Variants in CAMK2D observed in about 807,000 individuals in gnomAD.
CAMK2D encodes the protein calcium/calmodulin-dependent protein kinase type II subunit delta.
CAMK2D carries 37 observed loss-of-function variants against 84.0 expected under a neutral mutation model. The ratio of observed to expected loss-of-function variants is 0.44; its 90% CI spans 0.34 to 0.58. CAMK2D has a LOEUF of 0.58. Ranked by LOEUF, CAMK2D falls within the 20% of genes least tolerant of loss-of-function variation. The pLI is 0.02. For synonymous variants in CAMK2D, 202 were observed against 212.5 expected, an observed-to-expected ratio of 0.95 and a Z score of 0.43; for missense variants, 448 against 652.5, an observed-to-expected ratio of 0.69 and a Z score of 3.41.
At chr4:113,454,595 C>G in intron 20 of CAMK2D, 80 bp from the exon 21 acceptor site, 1 of 759,586 alleles carries the variant, frequency 1.3e-6, no homozygotes, top group Non-Finnish European at 2.5e-6. Flanking sequence ...ATAGATTTGA[C>G]TAGGCTACAG....
At chr4:113,640,842 A>G (rs575095094) in intron 3 of CAMK2D, among the ~76,000 whole-genome samples, 39 of 152,362 alleles carry the variant, frequency 2.6e-4, no homozygotes, top group Admixed American at 8.5e-4. Context: ...TTTATAAGGT[A>G]GAAGGATAAT....
intron 16 of CAMK2D, among the ~76,000 whole-genome samples, chr4:113,476,753 T>C (rs750792563): frequency 5.9e-5 from 9 of 152,178 alleles, no homozygotes; most frequent in South Asian, 2.1e-4. Flanking sequence ...TTACCCCTAA[T>C]AGATAACATT....
At chr4:113,603,100 G>A (rs1351024610) in intron 4 of CAMK2D, among the ~76,000 whole-genome samples, 1 of 152,080 alleles carries the variant, frequency 6.6e-6, no homozygotes, top group Non-Finnish European at 1.5e-5. Context: ...CTCCAGAGCC[G>A]CTGAGGTGTG....
At chr4:113,733,502 T>TGTGAGTTAA (rs1336709384) in intron 2 of CAMK2D, among the ~76,000 whole-genome samples, 2 of 152,206 alleles carry the variant, frequency 1.3e-5, no homozygotes, top group Non-Finnish European at 1.5e-5. Context: ...CTTTTCAGCC[T>TGTGAGTTAA]GTGAGTTAAG....
intron 2 of CAMK2D, among the ~76,000 whole-genome samples, chr4:113,753,143 A>C (rs900262637): frequency 6.6e-6 from 1 of 152,102 alleles, no homozygotes; most frequent in Non-Finnish European, 1.5e-5. Context: ...CAAGAGCCTC[A>C]GTATTCTTTT....
chr4:113,552,629 T>G (rs2098637022), intron 4 of CAMK2D, among the ~76,000 whole-genome samples: 1 of 152,246 alleles, frequency 6.6e-6, no homozygotes, highest in African/African-American at 2.4e-5. Context: ...TCATTTTACA[T>G]GAAATTATGG....
intron 6 of CAMK2D, among the ~76,000 whole-genome samples, chr4:113,545,667 T>C (rs1169481976): frequency 1.3e-5 from 2 of 152,182 alleles, no homozygotes. Flanking sequence ...GTTTATGAAA[T>C]GGCCTACTGA....
chr4:113,744,770 T>G (rs950152906), intron 2 of CAMK2D, among the ~76,000 whole-genome samples: 1 of 152,214 alleles, frequency 6.6e-6, no homozygotes, highest in African/African-American at 2.4e-5. Flanking sequence ...TCTTGAATCT[T>G]GGCAATCTGA....
At chr4:113,715,099 AC>A (rs1359336179) in intron 2 of CAMK2D, among the ~76,000 whole-genome samples, 1 of 152,072 alleles carries the variant, frequency 6.6e-6, no homozygotes, top group Non-Finnish European at 1.5e-5. Flanking sequence ...CAATTACTTT[AC>A]ATTCTTTTAT....
At chr4:113,488,135 C>T (rs918808443) in intron 16 of CAMK2D, among the ~76,000 whole-genome samples, 1 of 151,840 alleles carries the variant, frequency 6.6e-6, no homozygotes, top group African/African-American at 2.4e-5. Context: ...AAAATTTACA[C>T]AAACCTTAGA....
chr4:113,697,779 C>A lies in CAMK2D; in HGVS notation c.161-36007G>T, dbSNP rs558778667. 5.3e-3 allele frequency among the ~76,000 whole-genome samples: 801 copies of A among 152,050 alleles called. 8 individuals are homozygous for A. The highest frequency in any genetic ancestry group is 0.018 in the African/African-American group (759 of 41,516). Reference sequence around the variant, plus strand: ...GAAAATGACTCCCTCAAATAGAGTCCTTGGAATTAATGAAATAGCCCATTT... The same window carrying A: ...GAAAATGACTCCCTCAAATAGAGTCATTGGAATTAATGAAATAGCCCATTT... On this transcript the variant is annotated intron_variant, in intron 2 of 20. Transcript: ENST00000511664.
In CAMK2D at chr4:113,625,591, C is replaced by G. The variant is rs190884986; in HGVS notation, c.221-16385G>C. Among the ~76,000 whole-genome samples the G allele has an allele frequency of 5.9e-5, 9 of 152,174 alleles. No individual in the cohort carries two copies. The East Asian group carries it at 1.5e-3, about 26-fold the overall frequency. On this transcript the variant is annotated intron_variant, in intron 3 of 20. Transcript: ENST00000511664. ...ATCCTATAGCAAGACTTTACTTGAC[C>G]AGTTTGAGAAACAGTGTGTCTGTAG...
At chr4:113,545,741 GACA>G (rs1258446077) in intron 6 of CAMK2D, among the ~76,000 whole-genome samples, 2 of 152,086 alleles carry the variant, frequency 1.3e-5, no homozygotes, top group Admixed American at 6.6e-5. Flanking sequence ...CACAAACTAA[GACA>G]ACAACTAAAA....
chr4:113,567,168 C>CTTTTTTTT (rs1317760050), intron 4 of CAMK2D, among the ~76,000 whole-genome samples: 1 of 129,388 alleles, frequency 7.7e-6, no homozygotes, highest in Non-Finnish European at 1.6e-5. Context: ...TTTTCTTTTC[C>CTTTTTTTT]TTTTTTTTTT....
intron 2 of CAMK2D, among the ~76,000 whole-genome samples, chr4:113,744,975 A>G (rs10488962): frequency 0.02 from 2,996 of 152,276 alleles, 127 homozygotes; most frequent in East Asian, 0.18. Context: ...AACTAGTTAC[A>G]CGAAAACTAA....
At chr4:113,672,046 T>C (rs1043823165) in intron 2 of CAMK2D, among the ~76,000 whole-genome samples, 3 of 152,086 alleles carry the variant, frequency 2.0e-5, no homozygotes, top group African/African-American at 7.2e-5. Context: ...GTTATGCTTA[T>C]GAAAAAAAGT....
chr4:113,600,617 G>T (rs570775854), intron 4 of CAMK2D, among the ~76,000 whole-genome samples: 2 of 152,144 alleles, frequency 1.3e-5, no homozygotes, highest in East Asian at 1.9e-4. Context: ...GTATTAAAAA[G>T]GGCAATAATA....
rs1218687950 is a variant in CAMK2D, at chr4:113,535,301, A to C, written c.517+2040T>G. 2.6e-5 allele frequency among the ~76,000 whole-genome samples: 4 copies of C among 152,152 alleles called. No homozygotes were observed. In the South Asian group the frequency reaches 8.3e-4, roughly 32 times the overall value. On this transcript the variant is annotated intron_variant, in intron 7 of 20. Transcript: ENST00000511664. ...TCCTAAACAGATTCCCTTAGAGTTC[A>C]TATTTCCTGTCTGATCTGTATGTTA...
chr4:113,746,950 C>CAA (rs202063823), intron 2 of CAMK2D, among the ~76,000 whole-genome samples: 2,618 of 125,672 alleles, frequency 0.021, 112 homozygotes, highest in East Asian at 0.19. Context: ...CTACATCAAC[C>CAA]AAAAAAAAAA....
Sources: gnomAD v4.1 joint callset for allele counts (sites outside exome capture counted in the v4.1 genomes callset) on GRCh38, gnomAD v4.1.1 for gene constraint, MANE v1.5 for transcripts, NCBI Gene and HGNC (gene_info 2026-07-23, HGNC 2026-07-21) for gene names.